VPS13C: variants seen among roughly 807,000 people sequenced by gnomAD.
The protein encoded by VPS13C is vacuolar protein sorting 13 homolog C, also known as intermembrane lipid transfer protein VPS13C.
Under a neutral mutation model 456.8 loss-of-function variants are expected in VPS13C, and 358 were observed. The observed-to-expected ratio is 0.78, with a 90% confidence interval of 0.72 to 0.86. The LOEUF (loss-of-function observed/expected upper bound fraction) is 0.86. Ranked by LOEUF, VPS13C falls within the 40% of genes least tolerant of loss-of-function variation. The pLI, the probability that VPS13C is intolerant of heterozygous loss-of-function variation, is 0.00. For synonymous variants in VPS13C, 1,578 were observed against 1,486.7 expected (o/e 1.06, Z -1.41); for missense variants, 4,818 against 4,385.4 (o/e 1.10, Z -2.79).
At chr15:61,935,219 CTCA>C (rs1173164089) in intron 48 of VPS13C, among the ~76,000 whole-genome samples, 1 of 152,162 alleles carries the variant, frequency 6.6e-6, no homozygotes, top group Non-Finnish European at 1.5e-5. Context: ...AGTCTTTTCT[CTCA>C]TCTTTAGATA....
At chr15:61,974,450 A>G in intron 24 of VPS13C, 33 bp from the exon 25 acceptor site, 1 of 1,605,180 alleles carries the variant, frequency 6.2e-7, no homozygotes, top group Non-Finnish European at 8.5e-7. Context: ...TTAAGTCAGC[A>G]TCTCTACATT....
Position 61,863,391 on chromosome 15 carries a change from A to G in VPS13C, c.10952+49T>C, listed in dbSNP as rs766773550. 3 of 1,412,000 alleles carry G rather than the reference A, an allele frequency of 2.1e-6. No individual in the cohort carries two copies. In the East Asian group the frequency reaches 7.1e-5, roughly 33 times the overall value. 87.5% of individuals were successfully genotyped at this position (1,412,000 alleles called of 1,614,324 possible). On this transcript the variant is annotated intron_variant, in intron 82 of 84. Coordinates refer to ENST00000644861, the MANE Select transcript of VPS13C (RefSeq NM_020821.3). The stretch of plus-strand genomic sequence containing the variant: ...CATTTTAGCCTTCAAAATTCTTGTG[A>G]CCTATGCAACTAAGTACTATTTGGA...
Position 61,877,042 on chromosome 15 carries a change from A to G in VPS13C, c.10155T>C (p.Tyr3385=). 2 of 1,606,998 alleles carry G rather than the reference A, an allele frequency of 1.2e-6. No individual in the cohort carries two copies. The highest frequency in any genetic ancestry group is 1.7e-6 in the Non-Finnish European group (2 of 1,176,268). The change falls in exon 75 of 85, where the codon TAT becomes TAC. Residue 3385 remains tyrosine, a synonymous_variant. Coordinates refer to ENST00000644861, the MANE Select transcript of VPS13C (RefSeq NM_020821.3). The stretch of plus-strand genomic sequence containing the variant: ...TCTTGTAGAACTGATATCGAATTTC[A>G]TAATAAGCAAGTCTGGGAGGAGAAA... The part of the protein sequence containing the change: ...VDDLIFKLAY[Y]EIRYQFYKRD...
intron 37 of VPS13C, among the ~76,000 whole-genome samples, chr15:61,957,062 C>T (rs1280367539): frequency 1.3e-5 from 2 of 151,870 alleles, no homozygotes; most frequent in African/African-American, 2.4e-5. Flanking sequence ...GAATGTCCAT[C>T]AAAGAATGAA....
rs200455291 is a variant in VPS13C at position 61,881,771 on chromosome 15, G to A, written c.9682C>T (p.Pro3228Ser). The A allele has an allele frequency of 2.2e-5, 35 of 1,609,128 alleles. No individual in the cohort carries two copies. The highest frequency in any genetic ancestry group is 5.1e-5 in the Admixed American group (3 of 58,846). ...CCTGAATCTAAAGCAATAGATTTTG[G>A]AGGGGCAACAGGATGAAATACAACA... ...FPVVFHPVAPPKSIALDSEPK... is the reference protein window; with the variant it reads ...FPVVFHPVAPSKSIALDSEPK... Residue 3228 changes from proline to serine, a missense_variant, in exon 70 of 85, where the codon CCA (proline) becomes TCA (serine). Pro to Ser is a moderately conservative substitution (Grantham distance 74). Transcript: ENST00000644861.
At chr15:61,918,875 C>T (rs1188927678) in intron 58 of VPS13C, among the ~76,000 whole-genome samples, 1 of 152,006 alleles carries the variant, frequency 6.6e-6, no homozygotes, top group East Asian at 1.9e-4. Flanking sequence ...AAATGTTTTT[C>T]AGAGGGATAG....
At chr15:61,894,248 C>T (rs12908182) in intron 66 of VPS13C, among the ~76,000 whole-genome samples, 71,176 of 151,406 alleles carry the variant, frequency 0.47, 17,068 homozygotes, top group Admixed American at 0.55. Flanking sequence ...GTGGAGGTTG[C>T]AGTGAGACGA....
intron 1 of VPS13C, among the ~76,000 whole-genome samples, chr15:62,055,134 T>C (rs182607098): frequency 6.6e-6 from 1 of 152,300 alleles, no homozygotes; most frequent in Admixed American, 6.5e-5. Flanking sequence ...AGAAAGACAA[T>C]GGTAGGCTGT....
At chr15:61,863,289 G>A (rs1894324117) in intron 82 of VPS13C, 151 bp downstream of exon 82, 2 of 598,436 alleles carry the variant, frequency 3.3e-6, no homozygotes, top group Non-Finnish European at 5.9e-6. Context: ...ATTTAGATCT[G>A]TATTGTGATT....
chr15:61,952,104 T>C, intron 38 of VPS13C, 124 bp from the exon 39 acceptor site: 2 of 1,108,742 alleles, frequency 1.8e-6, no homozygotes, highest in South Asian at 1.9e-5. Flanking sequence ...AGATGTGTAC[T>C]TCTATTTGTG....
chr15:61,973,907 A>G (rs1224005978), intron 25 of VPS13C, among the ~76,000 whole-genome samples: 2 of 152,158 alleles, frequency 1.3e-5, no homozygotes, highest in Admixed American at 1.3e-4. Context: ...ATTTCAAAGT[A>G]GAAATCCAAC....
chr15:62,001,665 C>A (rs2046621444), intron 15 of VPS13C, among the ~76,000 whole-genome samples: 1 of 152,116 alleles, frequency 6.6e-6, no homozygotes, highest in Admixed American at 6.5e-5. Flanking sequence ...GCTATCCCTC[C>A]CCCTCCCCAC....
intron 10 of VPS13C, among the ~76,000 whole-genome samples, chr15:62,013,417 G>GA (rs528829646): frequency 3.5e-4 from 51 of 147,030 alleles, no homozygotes; most frequent in East Asian, 5.9e-4. Context: ...ATATTTTGCT[G>GA]AAAAAAAAAA....
Position 62,037,282 on chromosome 15 carries a change from T to TAAATATATA in VPS13C, c.188-2231_188-2230insTATATATTT, listed in dbSNP as rs1567136679. 1.2e-3 allele frequency among the ~76,000 whole-genome samples: 59 copies of TAAATATATA among 48,668 alleles called. 2 individuals are homozygous for TAAATATATA. Among genetic ancestry groups the TAAATATATA allele is most frequent in the Non-Finnish European group, 3.9e-4 (11 of 27,918 alleles). The allele number at this position is 48,668 out of a possible 152,430, so 31.9% of individuals were successfully genotyped here. The stretch of plus-strand genomic sequence containing the variant: ...ATATATTATATTATATAATATATTA[T>TAAATATATA]ATATATTATATTATATAATATATAT... On this transcript the variant is annotated intron_variant, in intron 3 of 84. Coordinates refer to ENST00000644861, the MANE Select transcript of VPS13C (RefSeq NM_020821.3).
chr15:61,878,526 T>C, intron 74 of VPS13C, 81 bp downstream of exon 74: 1 of 1,536,102 alleles, frequency 6.5e-7, no homozygotes, highest in Non-Finnish European at 8.7e-7. Flanking sequence ...TAAGCTAACA[T>C]TGCACAAGTG....
intron 66 of VPS13C, among the ~76,000 whole-genome samples, chr15:61,900,173 A>C (rs544036369): frequency 6.6e-6 from 1 of 152,218 alleles, no homozygotes; most frequent in African/African-American, 2.4e-5. Context: ...ATGGGCAAAA[A>C]CTGGAAGCAT....
At chr15:62,031,748 A>G (rs962969471) in intron 5 of VPS13C, among the ~76,000 whole-genome samples, 1 of 151,984 alleles carries the variant, frequency 6.6e-6, no homozygotes, top group Non-Finnish European at 1.5e-5. Flanking sequence ...CACAAAATTA[A>G]TACTACAGAT....
intron 62 of VPS13C, 96 bp downstream of exon 62, chr15:61,913,215 T>C: frequency 9.2e-7 from 1 of 1,088,390 alleles, no homozygotes. Context: ...CATGCTGCTA[T>C]AAAGACACAT....
chr15:62,036,203 A>T (rs2140665667), intron 3 of VPS13C, among the ~76,000 whole-genome samples: 1 of 151,290 alleles, frequency 6.6e-6, no homozygotes, highest in East Asian at 2.0e-4. Context: ...AGGAGAAAAG[A>T]ATTTGATTCA....
Sources: gnomAD v4.1 joint callset for allele counts (sites outside exome capture counted in the v4.1 genomes callset) on GRCh38, gnomAD v4.1.1 for gene constraint, MANE v1.5 for transcripts, NCBI Gene and HGNC (gene_info 2026-07-23, HGNC 2026-07-21) for gene names.